ARID1B: variants seen among roughly 807,000 people sequenced by gnomAD.
ARID1B encodes the protein AT-rich interaction domain 1B.
In ARID1B, 30 loss-of-function variants were observed where a neutral mutation model predicts 212.3. The ratio of observed to expected loss-of-function variants is 0.14; its 90% CI spans 0.11 to 0.19. The LOEUF (loss-of-function observed/expected upper bound fraction) is 0.19. Among genes scored for constraint, ARID1B ranks in the 10% least tolerant of loss-of-function variants. The pLI is 1.00. For missense variants in ARID1B, 2,891 were observed against 3,204.0 expected, an observed-to-expected ratio of 0.90 and a Z score of 2.36; for synonymous variants, 1,402 against 1,301.7, an observed-to-expected ratio of 1.08 and a Z score of -1.66.
chr6:156,860,728 T>G (rs1242660285), intron 2 of ARID1B, among the ~76,000 whole-genome samples: 1 of 152,212 alleles, frequency 6.6e-6, no homozygotes, highest in Non-Finnish European at 1.5e-5. Context: ...CCACAAAAGA[T>G]TATTTCATTA....
chr6:156,907,994 A>C (rs181186933), intron 3 of ARID1B, among the ~76,000 whole-genome samples: 1 of 150,754 alleles, frequency 6.6e-6, no homozygotes, highest in Admixed American at 6.6e-5. Flanking sequence ...CTGAATGTTT[A>C]GTAAAACTGT....
chr6:157,173,891 T>C, intron 9 of ARID1B, 117 bp from the exon 10 acceptor site: 2 of 807,926 alleles, frequency 2.5e-6, no homozygotes. Flanking sequence ...TTTTTTCTTT[T>C]CTTCCTTCAA....
At chr6:156,909,123 C>CTTTTTTTTTTTTTTTTTTTTTTTTTTTT (rs60183999) in intron 3 of ARID1B, among the ~76,000 whole-genome samples, 1 of 108,822 alleles carries the variant, frequency 9.2e-6, no homozygotes, top group African/African-American at 3.8e-5. Flanking sequence ...TTTTCTTTCT[C>CTTTTTTTTTTTTTTTTTTTTTTTTTTTT]TTTTTTTTTT....
intron 6 of ARID1B, among the ~76,000 whole-genome samples, chr6:157,130,178 AAAAG>A: frequency 6.6e-6 from 1 of 152,308 alleles, no homozygotes; most frequent in Admixed American, 6.5e-5. Context: ...CAAAAAAAAA[AAAAG>A]AATATAGTAT....
At chr6:156,919,491 G>A (rs1790612816) in intron 3 of ARID1B, among the ~76,000 whole-genome samples, 1 of 152,150 alleles carries the variant, frequency 6.6e-6, no homozygotes, top group Non-Finnish European at 1.5e-5. Context: ...CTCCTCCTGA[G>A]AAGAGTAGCC....
At chr6:157,021,939 G>C (rs1272579877) in intron 4 of ARID1B, among the ~76,000 whole-genome samples, 1 of 152,176 alleles carries the variant, frequency 6.6e-6, no homozygotes, top group African/African-American at 2.4e-5. Context: ...GGCGCGCCCA[G>C]CGCTTAAGGT....
chr6:157,209,080 A>T lies in ARID1B; in HGVS notation c.*1189A>T, dbSNP rs1002054875. On this transcript the variant is annotated 3_prime_UTR_variant, in exon 20 of 20. Coordinates refer to ENST00000636930, the MANE Select transcript of ARID1B (RefSeq NM_001374828.1). ...AAAAGGAAGAAACACAACTTCAAAG[A>T]TTTTTCAGTGATGAGAATCCACATT... 1 of 229,256 alleles carries T rather than the reference A, an allele frequency of 4.4e-6. No individual in the cohort carries two copies. Among genetic ancestry groups the T allele is most frequent in the African/African-American group, 2.2e-5 (1 of 45,044 alleles). 14.2% of individuals were successfully genotyped at this position (229,256 alleles called of 1,614,324 possible).
At chr6:157,124,205 A>G (rs1011531596) in intron 6 of ARID1B, among the ~76,000 whole-genome samples, 2 of 152,218 alleles carry the variant, frequency 1.3e-5, no homozygotes, top group Admixed American at 1.3e-4. Context: ...TTATTAAGCC[A>G]CTTTTGTAAA....
At chr6:157,104,488 A>T (rs7745352) in intron 5 of ARID1B, among the ~76,000 whole-genome samples, 75,698 of 152,112 alleles carry the variant, frequency 0.5, 20,913 homozygotes, top group African/African-American at 0.75. Flanking sequence ...TATAATAGTA[A>T]GCCTGGAAAA....
chr6:156,824,195 G>C (rs1020763742), intron 1 of ARID1B, among the ~76,000 whole-genome samples: 18 of 152,160 alleles, frequency 1.2e-4, no homozygotes, highest in African/African-American at 4.3e-4. Context: ...TAAAAAAATT[G>C]CATTAAAAGC....
intron 1 of ARID1B, among the ~76,000 whole-genome samples, chr6:156,779,953 G>A (rs936486663): frequency 1.3e-5 from 2 of 152,224 alleles, no homozygotes; most frequent in African/African-American, 4.8e-5. Flanking sequence ...TTTAGCCACA[G>A]CACGTTCCCT....
At chr6:156,986,886 A>ATATTT (rs1777952204) in intron 4 of ARID1B, among the ~76,000 whole-genome samples, 21 of 152,220 alleles carry the variant, frequency 1.4e-4, no homozygotes, top group Non-Finnish European at 2.8e-4. Flanking sequence ...TTGTATTAAT[A>ATATTT]AAACAACATA....
rs565258176 is a variant in ARID1B, at chr6:156,965,092, A to G, written c.2247+29516A>G. Among the ~76,000 whole-genome samples, 3 of 152,316 alleles carry G rather than the reference A, an allele frequency of 2.0e-5. No individual in the cohort carries two copies. In the South Asian group the frequency reaches 6.2e-4, roughly 32 times the overall value. On this transcript the variant is annotated intron_variant, in intron 4 of 19. Transcript: ENST00000636930. ...AAGTATTCTCTTCCCTATGTCCTGTATGTTGTTTATCAGTAGTTTGAAATT... is the reference window on the plus strand; with the variant it reads ...AAGTATTCTCTTCCCTATGTCCTGTGTGTTGTTTATCAGTAGTTTGAAATT...
chr6:157,066,375 A>G (rs1562590637), intron 4 of ARID1B, among the ~76,000 whole-genome samples: 2 of 152,326 alleles, frequency 1.3e-5, no homozygotes, highest in East Asian at 3.8e-4. Flanking sequence ...TCCTTCTGTA[A>G]TAACTGTTTT....
At chr6:157,143,642 G>C (rs1462819529) in intron 7 of ARID1B, among the ~76,000 whole-genome samples, 1 of 152,104 alleles carries the variant, frequency 6.6e-6, no homozygotes, top group Non-Finnish European at 1.5e-5. Context: ...AGTTCAGAGA[G>C]GTTAAACCAC....
At chr6:157,112,273 G>T (rs1382207395) in intron 6 of ARID1B, among the ~76,000 whole-genome samples, 1 of 152,180 alleles carries the variant, frequency 6.6e-6, no homozygotes, top group African/African-American at 2.4e-5. Context: ...TGCTTGATCT[G>T]TGTTAACTCC....
chr6:157,026,443 T>C (rs953099642), intron 4 of ARID1B, among the ~76,000 whole-genome samples: 3 of 152,274 alleles, frequency 2.0e-5, no homozygotes, highest in Non-Finnish European at 4.4e-5. Flanking sequence ...TGATATGAAG[T>C]AGTTTTATTT....
intron 4 of ARID1B, chr6:157,024,259 T>C (rs1780512641): frequency 6.6e-6 from 1 of 152,246 alleles, no homozygotes; most frequent in African/African-American, 2.4e-5. Context: ...CCAAGGTTGT[T>C]TATAAACTCT....
chr6:156,913,586 T>A (rs1790086818), intron 3 of ARID1B, among the ~76,000 whole-genome samples: 2 of 152,154 alleles, frequency 1.3e-5, no homozygotes. Flanking sequence ...CTTGAACTTA[T>A]TCTTCCCATC....
Sources: gnomAD v4.1 joint callset for allele counts (sites outside exome capture counted in the v4.1 genomes callset) on GRCh38, gnomAD v4.1.1 for gene constraint, MANE v1.5 for transcripts, NCBI Gene and HGNC (gene_info 2026-07-23, HGNC 2026-07-21) for gene names.